The following CDK2 variants were observed in gnomAD, a reference collection of about 807,000 sequenced individuals.
The protein encoded by CDK2 is cyclin-dependent kinase 2.
A neutral mutation model predicts 35.0 loss-of-function variants in CDK2; 8 were observed. The observed-to-expected ratio is 0.23, with a 90% CI of 0.13 to 0.41. The LOEUF is 0.41. CDK2 is among the 10% of genes least tolerant of loss of function. CDK2 has a pLI of 1.00. For synonymous variants in CDK2, 134 were observed against 137.7 expected (o/e 0.97, Z 0.19); for missense variants, 201 against 367.1 (o/e 0.55, Z 3.70).
chr12:55,969,019 A>G (rs989768164), intron 4 of CDK2, 71 bp downstream of exon 4: 2 of 1,178,502 alleles, frequency 1.7e-6, no homozygotes, highest in Non-Finnish European at 2.4e-6. Context: ...CAAAGTTACT[A>G]AAAATATCTG....
At chr12:55,969,627 A>C in intron 5 of CDK2, 51 bp downstream of exon 5, 1 of 1,026,150 alleles carries the variant, frequency 9.7e-7, no homozygotes, top group Non-Finnish European at 1.5e-6. Context: ...TCCTCCCCAC[A>C]TCCAAGAACA....
chr12:55,968,795 G>C lies in CDK2; in HGVS notation c.333G>C (p.Leu111=). The stretch of plus-strand genomic sequence containing the variant: ...TTTGTCAGAGCTATCTGTTCCAGCT[G>C]CTCCAGGGCCTAGCTTTCTGCCATT... ...LPLIKSYLFQ[L]LQGLAFCHSH... Residue 111 remains leucine, a synonymous_variant, in exon 4 of 7, where the codon CTG becomes CTC. Transcript: ENST00000266970. The C allele has an allele frequency of 6.2e-7, 1 of 1,601,576 alleles. No homozygotes were observed. Among genetic ancestry groups the C allele is most frequent in the Non-Finnish European group, 8.5e-7 (1 of 1,175,046 alleles).
rs569308993 is a variant in CDK2, at chr12:55,967,267, A to G, written c.116+143A>G. ...GAAGTGGAGAGGTGGGTTGGGGGCCAGTAGAAGGTGAAGAGTATACTTATA... is the reference window on the plus strand; with the variant it reads ...GAAGTGGAGAGGTGGGTTGGGGGCCGGTAGAAGGTGAAGAGTATACTTATA... On this transcript the variant is annotated intron_variant, in intron 1 of 6. Coordinates refer to ENST00000266970, the MANE Select transcript of CDK2 (RefSeq NM_001798.5). 355 of 658,620 alleles carry G rather than the reference A, an allele frequency of 5.4e-4. 2 individuals are homozygous for G. The highest frequency in any genetic ancestry group is 1.5e-3 in the East Asian group (55 of 36,860). 40.8% of individuals were successfully genotyped at this position (658,620 alleles called of 1,614,324 possible).
At chr12:55,970,731 C>T in intron 5 of CDK2, 3 of 701,682 alleles carry the variant, frequency 4.3e-6, no homozygotes, top group Non-Finnish European at 7.8e-6. Context: ...GCAGTGTCTA[C>T]CCCCTACCCC....
chr12:55,971,008 C>T (rs778737653), intron 5 of CDK2, 36 bp from the exon 6 acceptor site: 3 of 1,580,040 alleles, frequency 1.9e-6, no homozygotes, highest in East Asian at 2.2e-5. Flanking sequence ...CTGACGTCAA[C>T]GTGGGTCTTG....
rs1325179976 is a variant in CDK2 at position 55,972,500 on chromosome 12, A to C, written c.*875A>C. On this transcript the variant is annotated 3_prime_UTR_variant, in exon 7 of 7. Coordinates refer to ENST00000266970, the MANE Select transcript of CDK2 (RefSeq NM_001798.5). ...TGACACTTTTTCAGGGCTGTGATTGAGTGAGGGCATGGGTAAAAATATTTC... is the reference window on the plus strand; with the variant it reads ...TGACACTTTTTCAGGGCTGTGATTGCGTGAGGGCATGGGTAAAAATATTTC... 1 of 151,682 alleles carries C rather than the reference A, an allele frequency of 6.6e-6. No homozygotes were observed. Among genetic ancestry groups the C allele is most frequent in the Non-Finnish European group, 1.5e-5 (1 of 67,972 alleles). 9.4% of individuals were successfully genotyped at this position (151,682 alleles called of 1,614,324 possible). A position where few individuals can be genotyped will look rare whatever the true frequency, so the allele number is the denominator to read the frequency against.
chr12:55,969,617 T>C (rs757296812), intron 5 of CDK2, 41 bp downstream of exon 5: 1 of 1,133,058 alleles, frequency 8.8e-7, no homozygotes, highest in Non-Finnish European at 1.3e-6. Context: ...CCCCTCCCTC[T>C]CCTCCCCACA....
intron 5 of CDK2, chr12:55,969,838 T>C: frequency 3.3e-6 from 1 of 302,212 alleles, no homozygotes; most frequent in Admixed American, 5.1e-5. Context: ...GCAGCTGTTT[T>C]AGCTGTAGTC....
chr12:55,966,865 G>T lies in CDK2; in HGVS notation c.-144G>T. ...GTTGGCCAAATTGACAAGAGCGAGA[G>T]GTATACTGCGTTCCATCCCGACCCG... On this transcript the variant is annotated 5_prime_UTR_variant, in exon 1 of 7. It adds an upstream start codon to the 5' untranslated region. Transcript: ENST00000266970. 1 of 858,654 alleles carries T rather than the reference G, an allele frequency of 1.2e-6. No individual in the cohort carries two copies. Among genetic ancestry groups the T allele is most frequent in the Non-Finnish European group, 1.8e-6 (1 of 565,806 alleles). 53.2% of individuals were successfully genotyped at this position (858,654 alleles called of 1,614,324 possible). A position where few individuals can be genotyped will look rare whatever the true frequency, so the allele number is the denominator to read the frequency against.
chr12:55,968,468 C>A (rs1288249863), intron 3 of CDK2, among the ~76,000 whole-genome samples: 2 of 152,158 alleles, frequency 1.3e-5, no homozygotes, highest in African/African-American at 4.8e-5. Flanking sequence ...AAAAGCCCTT[C>A]CATTTGGTGG....
chr12:55,967,397 A>C, intron 1 of CDK2: 1 of 498,722 alleles, frequency 2.0e-6, no homozygotes, highest in Non-Finnish European at 3.6e-6. Flanking sequence ...CGGGGAGAGA[A>C]AGGAGGTCTC....
At chr12:55,969,214 C>T (rs2069405) in intron 4 of CDK2, among the ~76,000 whole-genome samples, 1 of 151,812 alleles carries the variant, frequency 6.6e-6, no homozygotes. Context: ...ATAGCGAGAC[C>T]CCATCTCTAC....
At position 55,966,919 on chromosome 12, in the gene CDK2, C is replaced by T; in HGVS notation, c.-90C>T. 1 of 1,110,630 alleles carries T rather than the reference C, an allele frequency of 9.0e-7. No homozygotes were observed. Among genetic ancestry groups the T allele is most frequent in the Non-Finnish European group, 1.3e-6 (1 of 757,462 alleles). 68.8% of individuals were successfully genotyped at this position (1,110,630 alleles called of 1,614,324 possible). A position where few individuals can be genotyped will look rare whatever the true frequency, so the allele number is the denominator to read the frequency against. On this transcript the variant is annotated 5_prime_UTR_variant, in exon 1 of 7. Transcript: ENST00000266970. ...CCACGGTACTGGGCCCTGTTTCCCC[C>T]TCCTCGGCCCCCGAGAGCCAGGGTC...
rs1889375989 is a variant in CDK2, at chr12:55,967,952, A to T, written c.194+18A>T. 6.2e-7 allele frequency: 1 copy of T among 1,613,618 alleles called. No homozygotes were observed. The highest frequency in any genetic ancestry group is 1.3e-5 in the African/African-American group (1 of 75,020). ...ATTGTCAAGTAAGTATGCGTCTGAG[A>T]GGTGATCCAGCTGGAAAGGAGGATA... On this transcript the variant is annotated intron_variant, in intron 2 of 6. Transcript: ENST00000266970.
At chr12:55,970,995 T>C (rs1441864190) in intron 5 of CDK2, 49 bp from the exon 6 acceptor site, 1 of 1,538,020 alleles carries the variant, frequency 6.5e-7, no homozygotes, top group East Asian at 2.2e-5. Context: ...AGGAGAGTTT[T>C]GACTGACGTC....
At chr12:55,971,286 C>T (rs1889468161) in intron 6 of CDK2, 39 bp downstream of exon 6, 3 of 1,578,974 alleles carry the variant, frequency 1.9e-6, no homozygotes, top group Admixed American at 1.7e-5. Context: ...TCATTTCTCC[C>T]AGGGAAGGGC....
Position 55,971,571 on chromosome 12 carries a change from G to A in CDK2, c.843G>A (p.Leu281=), listed in dbSNP as rs751524688. 1 of 1,614,026 alleles carries A rather than the reference G, an allele frequency of 6.2e-7. No homozygotes were observed. ...PNKRISAKAA[L]AHPFFQDVTK... ...AGCGGATTTCGGCCAAGGCAGCCCT[G>A]GCTCACCCTTTCTTCCAGGATGTGA... Residue 281 remains leucine (L), a synonymous_variant, in exon 7 of 7, where the codon CTG becomes CTA. Coordinates refer to ENST00000266970, the MANE Select transcript of CDK2 (RefSeq NM_001798.5).
chr12:55,968,980 T>C (rs1889408672), intron 4 of CDK2, 32 bp downstream of exon 4: 3 of 1,509,098 alleles, frequency 2.0e-6, no homozygotes, highest in Non-Finnish European at 2.7e-6. Context: ...TTCTCTGAGC[T>C]TCCCAAGAGG....
rs186450393 is a variant in CDK2 at position 55,968,182 on chromosome 12, A to G, written c.315+13A>G. 1.2e-6 allele frequency: 2 copies of G among 1,613,558 alleles called. No homozygotes were observed. The highest frequency in any genetic ancestry group is 1.7e-5 in the Admixed American group (1 of 60,002). ...TCCCCTCATCAAGGTAATGCTTCTC[A>G]TCAGCTCCTCTCATCATGGGCATGT... On this transcript the variant is annotated intron_variant, in intron 3 of 6. Coordinates refer to ENST00000266970, the MANE Select transcript of CDK2 (RefSeq NM_001798.5).
Sources: allele counts gnomAD v4.1 joint callset (sites outside exome capture counted in the v4.1 genomes callset), GRCh38; gene constraint gnomAD v4.1.1; transcripts MANE v1.5; gene names NCBI Gene and HGNC (gene_info 2026-07-23, HGNC 2026-07-21).